Variants in GSAP observed in about 807,000 individuals in gnomAD.
The protein encoded by GSAP is gamma-secretase-activating protein.
In GSAP, 118 loss-of-function variants were observed where a neutral mutation model predicts 131.7. The ratio of observed to expected loss-of-function variants is 0.90; its 90% CI spans 0.77 to 1.04. The LOEUF (loss-of-function observed/expected upper bound fraction) is 1.04. GSAP is among the 50% of genes least tolerant of loss of function. The pLI is 0.00. For missense variants in GSAP, 1,019 were observed against 1,013.2 expected (o/e 1.01, Z -0.08); for synonymous variants, 381 against 363.4 (o/e 1.05, Z -0.55).
At chr7:77,353,844 T>C (rs1414281339) in intron 16 of GSAP, 5 of 463,416 alleles carry the variant, frequency 1.1e-5, no homozygotes, top group Admixed American at 3.9e-5. Flanking sequence ...GAGATCCTTT[T>C]TATACATCTT....
At position 77,311,445 on chromosome 7, in the gene GSAP, C is replaced by A; in HGVS notation, c.2478G>T (p.Leu826=). 2 of 1,601,042 alleles carry A rather than the reference C, an allele frequency of 1.2e-6. No individual in the cohort carries two copies. The highest frequency in any genetic ancestry group is 8.6e-7 in the Non-Finnish European group (1 of 1,168,924). The change falls in exon 31 of 31, where the codon CTG becomes CTT. Residue 826 remains leucine (L), a synonymous_variant. Transcript: ENST00000257626. ...CATTGTCATGTCCTTCAAAAGGATA[C>A]AGGGCTGGAAAAAAATGGGGAGAGG... ...LTDIESSNQA[L]YPFEGHDNVD...
intron 6 of GSAP, among the ~76,000 whole-genome samples, chr7:77,384,651 A>G (rs990167863): frequency 3.3e-5 from 5 of 152,104 alleles, no homozygotes; most frequent in African/African-American, 9.7e-5. Context: ...GAAACACTCA[A>G]AGGGTCCCGG....
intron 19 of GSAP, chr7:77,330,573 CTTT>C (rs750457611): frequency 4.6e-3 from 3,406 of 747,636 alleles, no homozygotes; most frequent in South Asian, 7.4e-3. Flanking sequence ...TTTTCTGTCT[CTTT>C]TTTTTTTTTT....
chr7:77,374,990 A>C, intron 11 of GSAP, 68 bp downstream of exon 11: 1 of 754,704 alleles, frequency 1.3e-6, no homozygotes, highest in Non-Finnish European at 2.3e-6. Context: ...AATATAATGT[A>C]CGAATAAATA....
At chr7:77,372,713 C>T (rs757929067) in intron 12 of GSAP, among the ~76,000 whole-genome samples, 8 of 152,132 alleles carry the variant, frequency 5.3e-5, no homozygotes, top group Non-Finnish European at 8.8e-5. Context: ...AGCGAGCTTG[C>T]GCATTCTCAA....
At chr7:77,318,567 T>A (rs59086319) in intron 26 of GSAP, among the ~76,000 whole-genome samples, 29,229 of 152,094 alleles carry the variant, frequency 0.19, 3,015 homozygotes, top group African/African-American at 0.21. Flanking sequence ...CCATTCATGT[T>A]TAGGCAACTA....
At chr7:77,391,933 G>C (rs1217388902) in intron 5 of GSAP, among the ~76,000 whole-genome samples, 1 of 152,090 alleles carries the variant, frequency 6.6e-6, no homozygotes, top group African/African-American at 2.4e-5. Flanking sequence ...GCTAAATTAA[G>C]AATTTTGATG....
At chr7:77,336,969 T>C (rs1216656578) in intron 19 of GSAP, among the ~76,000 whole-genome samples, 1 of 152,242 alleles carries the variant, frequency 6.6e-6, no homozygotes, top group African/African-American at 2.4e-5. Flanking sequence ...ACACTGCTAT[T>C]GATGCTACAT....
At chr7:77,401,544 GA>G (rs1801311333) in intron 3 of GSAP, among the ~76,000 whole-genome samples, 1 of 151,904 alleles carries the variant, frequency 6.6e-6, no homozygotes, top group African/African-American at 2.4e-5. Flanking sequence ...CTCAGATGAA[GA>G]AAACTATGAA....
chr7:77,381,533 C>A (rs1176345574), intron 7 of GSAP, among the ~76,000 whole-genome samples, 179 bp from the exon 8 acceptor site: 1 of 152,092 alleles, frequency 6.6e-6, no homozygotes, highest in African/African-American at 2.4e-5. Context: ...TTTTAAAACC[C>A]ATTTTTCTCC....
upstream of GSAP, chr7:77,416,430 C>T (rs889572513): frequency 1.3e-5 from 7 of 526,322 alleles, no homozygotes; most frequent in African/African-American, 2.0e-5. Flanking sequence ...TCTTTCCTCT[C>T]CCCCGCCCCC....
At chr7:77,321,528 C>T (rs1003202424) in intron 24 of GSAP, 125 bp from the exon 25 acceptor site, 2 of 668,542 alleles carry the variant, frequency 3.0e-6, no homozygotes, top group African/African-American at 3.6e-5. Context: ...TCCAGACACA[C>T]AACTAGCCTT....
intron 1 of GSAP, among the ~76,000 whole-genome samples, chr7:77,406,364 G>A (rs1802269332): frequency 6.6e-6 from 1 of 152,140 alleles, no homozygotes. Context: ...TGGGTATACT[G>A]ATATACTCTG....
chr7:77,362,327 A>C (rs1257138998), intron 13 of GSAP, among the ~76,000 whole-genome samples: 1 of 152,082 alleles, frequency 6.6e-6, no homozygotes, highest in Admixed American at 6.6e-5. Flanking sequence ...TCTCCACAAA[A>C]AATACAAAAA....
intron 5 of GSAP, among the ~76,000 whole-genome samples, chr7:77,388,950 T>C (rs888474557): frequency 6.6e-6 from 1 of 152,174 alleles, no homozygotes; most frequent in Non-Finnish European, 1.5e-5. Context: ...TGGGTGCTTG[T>C]GGCTTAGGAT....
intron 12 of GSAP, among the ~76,000 whole-genome samples, chr7:77,372,001 T>TA (rs148914912): frequency 0.016 from 2,372 of 152,320 alleles, 71 homozygotes; most frequent in African/African-American, 0.053. Flanking sequence ...AACAGTAGGA[T>TA]ATTCTGACAT....
At chr7:77,402,435 G>GA (rs995269037) in intron 3 of GSAP, among the ~76,000 whole-genome samples, 136 of 141,046 alleles carry the variant, frequency 9.6e-4, no homozygotes, top group African/African-American at 3.0e-3. Flanking sequence ...CACACACACA[G>GA]AAAAAAAAGA....
At chr7:77,376,934 T>TTTTTAATA (rs544999721) in intron 9 of GSAP, 27 bp from the exon 10 acceptor site, 21 of 1,245,524 alleles carry the variant, frequency 1.7e-5, no homozygotes, top group Non-Finnish European at 2.3e-5. Flanking sequence ...AATGGCATAT[T>TTTTTAATA]AAAAAACCAG....
Position 77,360,719 on chromosome 7 carries a change from C to T in GSAP, c.1027+105G>A, listed in dbSNP as rs111405123. 2,577 of 648,226 alleles carry T rather than the reference C, an allele frequency of 4.0e-3. 58 individuals carry two copies. The African/African-American group carries it at 0.043, about 11-fold the overall frequency. The allele number at this position is 648,226 out of a possible 1,614,324, so 40.2% of individuals were successfully genotyped here. ...TGGGTCATTGATTGTCATCACAATCCGAGTCTCAAAGAGGCATGAGAAATG... is the reference window on the plus strand; with the variant it reads ...TGGGTCATTGATTGTCATCACAATCTGAGTCTCAAAGAGGCATGAGAAATG... On this transcript the variant is annotated intron_variant, in intron 14 of 30. Transcript: ENST00000257626.
Sources: gnomAD v4.1 joint callset for allele counts (sites outside exome capture counted in the v4.1 genomes callset) on GRCh38, gnomAD v4.1.1 for gene constraint, MANE v1.5 for transcripts, NCBI Gene and HGNC (gene_info 2026-07-23, HGNC 2026-07-21) for gene names.